Variants in SEMA5A observed in about 807,000 individuals in gnomAD.
SEMA5A encodes semaphorin 5A.
A neutral mutation model predicts 135.5 loss-of-function variants in SEMA5A; 55 were observed. The observed-to-expected ratio is 0.41, with a 90% confidence interval of 0.33 to 0.51. SEMA5A has a LOEUF of 0.51. Among genes scored for constraint, SEMA5A ranks in the 20% least tolerant of loss-of-function variants. SEMA5A has a pLI of 0.37. For missense variants in SEMA5A, 1,290 were observed against 1,419.9 expected (o/e 0.91, Z 1.47); for synonymous variants, 580 against 546.5 (o/e 1.06, Z -0.85).
chr5:9,454,763 C>T (rs1173808612), intron 1 of SEMA5A, among the ~76,000 whole-genome samples: 1 of 152,202 alleles, frequency 6.6e-6, no homozygotes, highest in Non-Finnish European at 1.5e-5. Flanking sequence ...GAACTATAAC[C>T]ACTACCTTTT....
intron 5 of SEMA5A, among the ~76,000 whole-genome samples, chr5:9,279,861 C>A (rs1055228958): frequency 6.6e-6 from 1 of 152,170 alleles, no homozygotes; most frequent in Non-Finnish European, 1.5e-5. Context: ...GCCCATGGAA[C>A]TATGAGTCAA....
intron 9 of SEMA5A, 109 bp downstream of exon 9, chr5:9,201,846 T>C (rs1175923753): frequency 4.3e-5 from 47 of 1,085,074 alleles, no homozygotes; most frequent in Non-Finnish European, 1.4e-5. Context: ...CCCAGTAAAT[T>C]AAGAAAGATT....
chr5:9,057,084 T>C (rs1736932481), intron 18 of SEMA5A, among the ~76,000 whole-genome samples: 1 of 152,138 alleles, frequency 6.6e-6, no homozygotes, highest in Non-Finnish European at 1.5e-5. Context: ...GTCAAACTCA[T>C]AGAAGCAGAG....
intron 16 of SEMA5A, among the ~76,000 whole-genome samples, chr5:9,095,627 T>C (rs1299828081): frequency 6.6e-6 from 1 of 152,234 alleles, no homozygotes; most frequent in Admixed American, 6.5e-5. Flanking sequence ...CCTCAAAAAT[T>C]ATTATGTGTG....
At chr5:9,081,413 T>A (rs1738377569) in intron 16 of SEMA5A, among the ~76,000 whole-genome samples, 1 of 152,240 alleles carries the variant, frequency 6.6e-6, no homozygotes, top group Non-Finnish European at 1.5e-5. Flanking sequence ...CATTTATGTA[T>A]GTATGTGTAT....
rs547123306 is a variant in SEMA5A at position 9,452,768 on chromosome 5, A to T, written c.-174-14916T>A. ...CAGTTTGTTACTGAAGAAGCTATTT[A>T]TTACAAAAGCTCCAGAGTCACTGTT... On this transcript the variant is annotated intron_variant, in intron 1 of 22. Coordinates refer to ENST00000382496, the MANE Select transcript of SEMA5A (RefSeq NM_003966.3). Among the ~76,000 whole-genome samples, 180 of 152,324 alleles carry T rather than the reference A, an allele frequency of 1.2e-3. 1 individual carries two copies. The highest frequency in any genetic ancestry group is 0.01 in the Middle Eastern group (3 of 294).
At chr5:9,321,657 T>G (rs1163713606) in intron 4 of SEMA5A, among the ~76,000 whole-genome samples, 2 of 152,236 alleles carry the variant, frequency 1.3e-5, no homozygotes, top group African/African-American at 4.8e-5. Flanking sequence ...CATCAATTAA[T>G]GGTGCCAACT....
chr5:9,403,444 A>G (rs571474297), intron 2 of SEMA5A, among the ~76,000 whole-genome samples: 2 of 152,188 alleles, frequency 1.3e-5, no homozygotes, highest in South Asian at 4.2e-4. Context: ...AAGTCTCTGT[A>G]CTGCCCCTTG....
At position 9,054,343 on chromosome 5, in the gene SEMA5A, C is replaced by A. The variant is rs1490767170; in HGVS notation, c.2519-86G>T. On this transcript the variant is annotated intron_variant, in intron 18 of 22. Transcript: ENST00000382496. ...TTACTAAATGGAAGCTAAGTGGATTCTGTTTAGTAAGGGAAACAAAATGGA... is the reference window on the plus strand; with the variant it reads ...TTACTAAATGGAAGCTAAGTGGATTATGTTTAGTAAGGGAAACAAAATGGA... 6.7e-6 allele frequency: 10 copies of A among 1,501,284 alleles called. No homozygotes were observed. The East Asian group carries it at 2.1e-4, about 32-fold the overall frequency. 93.0% of individuals were successfully genotyped at this position (1,501,284 alleles called of 1,614,324 possible).
chr5:9,161,908 C>A (rs750853085), intron 11 of SEMA5A, among the ~76,000 whole-genome samples: 1 of 152,200 alleles, frequency 6.6e-6, no homozygotes, highest in South Asian at 2.1e-4. Context: ...CACAGCTACA[C>A]GGCCAGTAAA....
intron 3 of SEMA5A, among the ~76,000 whole-genome samples, chr5:9,348,130 A>C (rs1403627027): frequency 6.6e-6 from 1 of 152,206 alleles, no homozygotes; most frequent in Non-Finnish European, 1.5e-5. Flanking sequence ...GCAAAGAGAC[A>C]CTAGTGAAAA....
rs148912939 is a variant in SEMA5A at position 9,390,266 on chromosome 5, A to G, written c.-77-10243T>C. ...ACTATAGCCAGACAGACTTAAAAAA[A>G]GGGGGGTCCCCTGGGCCTGGAAACA... On this transcript the variant is annotated intron_variant, in intron 2 of 22. Transcript: ENST00000382496. Among the ~76,000 whole-genome samples the G allele has an allele frequency of 9.1e-3, 1,386 of 152,332 alleles. 10 individuals are homozygous for G. The highest frequency in any genetic ancestry group is 0.031 in the African/African-American group (1,301 of 41,578).
At chr5:9,243,978 A>G (rs1219099475) in intron 5 of SEMA5A, among the ~76,000 whole-genome samples, 2 of 152,176 alleles carry the variant, frequency 1.3e-5, no homozygotes, top group Non-Finnish European at 2.9e-5. Context: ...GTAAATATTA[A>G]TCAAAAAAGC....
At chr5:9,196,665 T>C (rs1745402477) in intron 10 of SEMA5A, among the ~76,000 whole-genome samples, 1 of 152,142 alleles carries the variant, frequency 6.6e-6, no homozygotes, top group Non-Finnish European at 1.5e-5. Context: ...TGCAGTTTTG[T>C]GATAACAGAT....
intron 5 of SEMA5A, among the ~76,000 whole-genome samples, chr5:9,316,651 A>G (rs570609951): frequency 6.6e-6 from 1 of 152,310 alleles, no homozygotes; most frequent in South Asian, 2.1e-4. Flanking sequence ...ATTGTTGATC[A>G]TTCTTTTTTT....
intron 1 of SEMA5A, among the ~76,000 whole-genome samples, chr5:9,509,442 T>G (rs933058746): frequency 1.3e-5 from 2 of 151,808 alleles, no homozygotes; most frequent in African/African-American, 2.4e-5. Flanking sequence ...GCCCGGCTAA[T>G]TTTTGTATTT....
At chr5:9,477,308 GA>G (rs1759705162) in intron 1 of SEMA5A, among the ~76,000 whole-genome samples, 1 of 152,140 alleles carries the variant, frequency 6.6e-6, no homozygotes, top group African/African-American at 2.4e-5. Context: ...TGTAATACAG[GA>G]AATCAGTACC....
chr5:9,392,331 C>T (rs557216877), intron 2 of SEMA5A, among the ~76,000 whole-genome samples: 2 of 152,236 alleles, frequency 1.3e-5, no homozygotes, highest in Non-Finnish European at 2.9e-5. Flanking sequence ...CTATAATTTT[C>T]ACAGCTTCTC....
At chr5:9,220,630 T>C (rs1030421183) in intron 8 of SEMA5A, among the ~76,000 whole-genome samples, 2 of 152,182 alleles carry the variant, frequency 1.3e-5, no homozygotes, top group African/African-American at 4.8e-5. Flanking sequence ...AGGAAGGGAT[T>C]GAGGACAGAA....
Sources: allele counts gnomAD v4.1 joint callset (sites outside exome capture counted in the v4.1 genomes callset), GRCh38; gene constraint gnomAD v4.1.1; transcripts MANE v1.5; gene names NCBI Gene and HGNC (gene_info 2026-07-23, HGNC 2026-07-21).